FBXL7: variants seen among roughly 807,000 people sequenced by gnomAD.
The protein encoded by FBXL7 is F-box and leucine rich repeat protein 7.
In FBXL7, 12 loss-of-function variants were observed where a neutral mutation model predicts 38.3. The observed-to-expected ratio is 0.31, with a 90% CI of 0.20 to 0.51. The LOEUF (loss-of-function observed/expected upper bound fraction) is 0.51. Among genes scored for constraint, FBXL7 ranks in the 20% least tolerant of loss-of-function variants. The probability of loss-of-function intolerance (pLI) is 0.98; values close to 1 mark genes in which losing one functional copy is unlikely to be tolerated. For synonymous variants in FBXL7, 297 were observed against 300.9 expected (o/e 0.99, Z 0.13); for missense variants, 567 against 676.4 (o/e 0.84, Z 1.79).
intron 1 of FBXL7, among the ~76,000 whole-genome samples, chr5:15,593,201 G>A (rs951838939): frequency 3.3e-5 from 5 of 152,124 alleles, no homozygotes; most frequent in Non-Finnish European, 5.9e-5. Flanking sequence ...CCTCTGGATT[G>A]TTTCTGCTAG....
At chr5:15,595,944 A>G (rs569977077) in intron 1 of FBXL7, among the ~76,000 whole-genome samples, 1 of 152,328 alleles carries the variant, frequency 6.6e-6, no homozygotes, top group East Asian at 1.9e-4. Flanking sequence ...CAGCAGGTAG[A>G]TGGGATTTGG....
chr5:15,770,203 G>A (rs903087163), intron 2 of FBXL7, among the ~76,000 whole-genome samples: 4 of 152,106 alleles, frequency 2.6e-5, no homozygotes, highest in African/African-American at 4.8e-5. Flanking sequence ...GTGTCCACTT[G>A]CCTGTGGTTT....
chr5:15,721,591 A>C (rs1321845506), intron 2 of FBXL7, among the ~76,000 whole-genome samples: 1 of 152,018 alleles, frequency 6.6e-6, no homozygotes, highest in Non-Finnish European at 1.5e-5. Context: ...TTTATCCCCA[A>C]GATGATAAAA....
intron 2 of FBXL7, among the ~76,000 whole-genome samples, chr5:15,630,842 A>G (rs1248074018): frequency 7.1e-6 from 1 of 140,614 alleles, no homozygotes; most frequent in African/African-American, 2.7e-5. Context: ...CTGTGAAACA[A>G]AAATTTTGAG....
intron 2 of FBXL7, among the ~76,000 whole-genome samples, chr5:15,864,630 C>CT (rs1181614416): frequency 1.3e-5 from 2 of 152,002 alleles, no homozygotes; most frequent in Non-Finnish European, 2.9e-5. Context: ...GAAGAGTAAC[C>CT]AAACTTGGCA....
chr5:15,839,817 A>G (rs1253436562), intron 2 of FBXL7, among the ~76,000 whole-genome samples: 1 of 151,424 alleles, frequency 6.6e-6, no homozygotes, highest in Non-Finnish European at 1.5e-5. Context: ...TTTTCTCCCA[A>G]TGCTCAAGTA....
rs536046061 is a variant in FBXL7, at chr5:15,701,140, T to C, written c.127+85068T>C. 4.6e-5 allele frequency among the ~76,000 whole-genome samples: 7 copies of C among 152,270 alleles called. No individual in the cohort carries two copies. The South Asian group carries it at 1.0e-3, about 23-fold the overall frequency. ...AGAATTAGAGAAAATTTTCTATCGA[T>C]ATTTTTGGTTTTTCACTCACCACTG... On this transcript the variant is annotated intron_variant, in intron 2 of 3. Coordinates refer to ENST00000504595, the MANE Select transcript of FBXL7 (RefSeq NM_012304.5).
intron 1 of FBXL7, among the ~76,000 whole-genome samples, chr5:15,615,259 T>G (rs574088694): frequency 9.8e-5 from 15 of 152,346 alleles, no homozygotes; most frequent in African/African-American, 3.1e-4. Flanking sequence ...ATTCTCACCC[T>G]TGGTACCATT....
At chr5:15,620,752 G>A (rs1215109987) in intron 2 of FBXL7, among the ~76,000 whole-genome samples, 1 of 152,130 alleles carries the variant, frequency 6.6e-6, no homozygotes, top group Non-Finnish European at 1.5e-5. Flanking sequence ...CCTGGCACGT[G>A]GTGCCTGGTT....
chr5:15,643,545 A>G (rs369829722), intron 2 of FBXL7, among the ~76,000 whole-genome samples: 9 of 152,228 alleles, frequency 5.9e-5, no homozygotes, highest in East Asian at 5.8e-4. Context: ...TACTATGGCC[A>G]GGGTTGGAAA....
intron 2 of FBXL7, among the ~76,000 whole-genome samples, chr5:15,924,697 ACCTCCAACCTCTG>A (rs1741836272): frequency 6.9e-6 from 1 of 145,264 alleles, no homozygotes; most frequent in Non-Finnish European, 1.5e-5. Context: ...ACTCACTGCA[ACCTCCAACCTCTG>A]CCTCCTGGGT....
chr5:15,529,403 T>A (rs1460293172), intron 1 of FBXL7, among the ~76,000 whole-genome samples: 1 of 151,446 alleles, frequency 6.6e-6, no homozygotes, highest in African/African-American at 2.4e-5. Context: ...TTTTTTTTTT[T>A]AAGACAGAGT....
intron 2 of FBXL7, among the ~76,000 whole-genome samples, chr5:15,801,514 G>T (rs541878964): frequency 6.6e-6 from 1 of 152,132 alleles, no homozygotes; most frequent in Admixed American, 6.5e-5. Context: ...AAATTTTTCT[G>T]CAGTATAGGC....
At chr5:15,660,846 G>A (rs918666169) in intron 2 of FBXL7, among the ~76,000 whole-genome samples, 8 of 152,158 alleles carry the variant, frequency 5.3e-5, no homozygotes, top group African/African-American at 1.4e-4. Context: ...ATAGTACACC[G>A]AGGTCCTTCC....
At chr5:15,912,491 C>T (rs532964861) in intron 2 of FBXL7, among the ~76,000 whole-genome samples, 16 of 149,524 alleles carry the variant, frequency 1.1e-4, no homozygotes, top group East Asian at 2.0e-4. Context: ...TCTTCTGCGT[C>T]GCTCACGCTG....
chr5:15,733,028 G>GT (rs935540308), intron 2 of FBXL7, among the ~76,000 whole-genome samples: 4 of 152,098 alleles, frequency 2.6e-5, no homozygotes, highest in Admixed American at 6.6e-5. Context: ...AAGCATGATC[G>GT]TGAGTACTAA....
chr5:15,550,664 C>T (rs1293250827), intron 1 of FBXL7, among the ~76,000 whole-genome samples: 1 of 152,248 alleles, frequency 6.6e-6, no homozygotes, highest in African/African-American at 2.4e-5. Context: ...CATCAAACTG[C>T]TTTAAACCTT....
chr5:15,572,076 C>G (rs1020496184), intron 1 of FBXL7, among the ~76,000 whole-genome samples: 3 of 152,078 alleles, frequency 2.0e-5, no homozygotes, highest in Non-Finnish European at 4.4e-5. Context: ...CTGGGCTTAA[C>G]CAAAAATGTC....
intron 2 of FBXL7, among the ~76,000 whole-genome samples, chr5:15,718,807 G>C (rs1391188750): frequency 6.6e-6 from 1 of 152,170 alleles, no homozygotes. Context: ...TGTGTTCACG[G>C]AGAATGAATT....
Sources: gnomAD v4.1 joint callset for allele counts (sites outside exome capture counted in the v4.1 genomes callset) on GRCh38, gnomAD v4.1.1 for gene constraint, MANE v1.5 for transcripts, NCBI Gene and HGNC (gene_info 2026-07-23, HGNC 2026-07-21) for gene names.